Variants in ACVR1C observed in about 807,000 individuals in gnomAD.
ACVR1C encodes activin A receptor type 1C, also known as activin receptor type-1C.
In ACVR1C, 23 loss-of-function variants were observed where a neutral mutation model predicts 57.9. The observed-to-expected ratio is 0.40, with a 90% confidence interval of 0.29 to 0.56. The LOEUF (loss-of-function observed/expected upper bound fraction) is 0.56. Among genes scored for constraint, ACVR1C ranks in the 20% least tolerant of loss-of-function variants. ACVR1C has a pLI of 0.50. For synonymous variants in ACVR1C, 214 were observed against 215.3 expected (o/e 0.99, Z 0.05); for missense variants, 480 against 607.9 (o/e 0.79, Z 2.21).
chr2:157,563,042 C>A (rs942876986), intron 2 of ACVR1C, among the ~76,000 whole-genome samples: 2 of 152,128 alleles, frequency 1.3e-5, no homozygotes, highest in Non-Finnish European at 2.9e-5. Flanking sequence ...TGAAAGCATT[C>A]CCTTTGAAAA....
At chr2:157,579,173 T>C (rs910409788) in intron 2 of ACVR1C, among the ~76,000 whole-genome samples, 5 of 152,160 alleles carry the variant, frequency 3.3e-5, no homozygotes, top group Non-Finnish European at 7.4e-5. Context: ...TTCTCAATTC[T>C]GGAAATTTTT....
At chr2:157,554,362 A>G (rs987911708) in intron 3 of ACVR1C, among the ~76,000 whole-genome samples, 1 of 138,586 alleles carries the variant, frequency 7.2e-6, no homozygotes, top group African/African-American at 2.8e-5. Flanking sequence ...AGAGAAAGAA[A>G]GAAAGAAGGG....
At chr2:157,608,000 G>A (rs1188672760) in intron 1 of ACVR1C, among the ~76,000 whole-genome samples, 1 of 151,758 alleles carries the variant, frequency 6.6e-6, no homozygotes, top group Non-Finnish European at 1.5e-5. Context: ...GACTTCTGTG[G>A]CTGGGGCTTC....
intron 4 of ACVR1C, among the ~76,000 whole-genome samples, chr2:157,546,576 T>C (rs148673212): frequency 6.6e-6 from 1 of 152,188 alleles, no homozygotes; most frequent in Non-Finnish European, 1.5e-5. Flanking sequence ...GGGGTTACAA[T>C]CTTGACTCTA....
At position 157,593,100 on chromosome 2, in the gene ACVR1C, A is replaced by G. The variant is rs554261794; in HGVS notation, c.74-5683T>C. ...CTAAAAGGCAAGACATCTGTTACCC[A>G]CAAGACATCTGTTACCCACATCAAC... On this transcript the variant is annotated intron_variant, in intron 1 of 8. Coordinates refer to ENST00000243349, the MANE Select transcript of ACVR1C (RefSeq NM_145259.3). 4.0e-4 allele frequency among the ~76,000 whole-genome samples: 61 copies of G among 152,132 alleles called. No individual in the cohort carries two copies. In the South Asian group the frequency reaches 0.012, roughly 30 times the overall value.
At chr2:157,620,532 T>C (rs1035336730) in intron 1 of ACVR1C, among the ~76,000 whole-genome samples, 2 of 152,156 alleles carry the variant, frequency 1.3e-5, no homozygotes, top group African/African-American at 2.4e-5. Flanking sequence ...TAAGCTGTAG[T>C]AATCCGGATT....
intron 4 of ACVR1C, among the ~76,000 whole-genome samples, chr2:157,548,620 C>T (rs562754877): frequency 0.032 from 4,844 of 150,928 alleles, 279 homozygotes; most frequent in African/African-American, 0.11. Flanking sequence ...TCAGAAATAA[C>T]GCCACATATC....
chr2:157,602,709 A>G (rs1462630055), intron 1 of ACVR1C, among the ~76,000 whole-genome samples: 1 of 152,178 alleles, frequency 6.6e-6, no homozygotes, highest in Non-Finnish European at 1.5e-5. Flanking sequence ...CACTATAAAT[A>G]TGAAAAGTAA....
chr2:157,574,083 G>C (rs1688588688), intron 2 of ACVR1C, among the ~76,000 whole-genome samples: 1 of 152,134 alleles, frequency 6.6e-6, no homozygotes, highest in African/African-American at 2.4e-5. Context: ...GAGACTTCAA[G>C]GATGTCATAT....
In ACVR1C at chr2:157,628,670, T is replaced by A; in HGVS notation, c.-26A>T. On this transcript the variant is annotated 5_prime_UTR_variant, in exon 1 of 9. Transcript: ENST00000243349. ...CGCCACCAGGCGGCCGCGCCGGGGCTGCGAGGCCCCAGAGCAGAGCGAGGC... is the reference window on the plus strand; with the variant it reads ...CGCCACCAGGCGGCCGCGCCGGGGCAGCGAGGCCCCAGAGCAGAGCGAGGC... 1 of 1,543,222 alleles carries A rather than the reference T, an allele frequency of 6.5e-7. No homozygotes were observed. The highest frequency in any genetic ancestry group is 8.7e-7 in the Non-Finnish European group (1 of 1,146,412).
intron 6 of ACVR1C, among the ~76,000 whole-genome samples, chr2:157,541,725 G>A (rs1046695215): frequency 1.1e-4 from 17 of 152,128 alleles, no homozygotes; most frequent in Non-Finnish European, 1.6e-4. Flanking sequence ...TAAACTGCCC[G>A]GAAGTGTTCC....
intron 1 of ACVR1C, among the ~76,000 whole-genome samples, chr2:157,591,613 C>T (rs1689055936): frequency 6.6e-6 from 1 of 152,030 alleles, no homozygotes; most frequent in South Asian, 2.1e-4. Context: ...ACTCTTCTGA[C>T]ACACAATCTC....
intron 1 of ACVR1C, among the ~76,000 whole-genome samples, chr2:157,612,113 G>C (rs922387302): frequency 2.0e-5 from 3 of 152,196 alleles, no homozygotes; most frequent in Non-Finnish European, 2.9e-5. Flanking sequence ...CCAGAGTACA[G>C]AGGCTGTGCT....
At chr2:157,536,679 T>A (rs553263581) in intron 8 of ACVR1C, among the ~76,000 whole-genome samples, 4 of 152,166 alleles carry the variant, frequency 2.6e-5, no homozygotes, top group East Asian at 3.9e-4. Context: ...AGGATTCACA[T>A]CAGGAAGTCA....
chr2:157,626,024 G>A (rs985834920), intron 1 of ACVR1C, among the ~76,000 whole-genome samples: 1 of 152,170 alleles, frequency 6.6e-6, no homozygotes, highest in East Asian at 1.9e-4. Flanking sequence ...CTGGAGTGCA[G>A]TGGTGTGATC....
At chr2:157,583,328 A>T (rs1183934922) in intron 2 of ACVR1C, among the ~76,000 whole-genome samples, 1 of 152,250 alleles carries the variant, frequency 6.6e-6, no homozygotes, top group East Asian at 1.9e-4. Context: ...AATATTTATA[A>T]GACCTGTTCT....
chr2:157,588,958 C>T (rs1021843374), intron 1 of ACVR1C, among the ~76,000 whole-genome samples: 2 of 148,258 alleles, frequency 1.3e-5, no homozygotes, highest in East Asian at 2.0e-4. Context: ...ATTCATTTAT[C>T]GGTTGATGGG....
chr2:157,537,431 T>C (rs1017432170), intron 8 of ACVR1C, among the ~76,000 whole-genome samples: 2 of 151,846 alleles, frequency 1.3e-5, no homozygotes, highest in African/African-American at 4.8e-5. Context: ...AATTAAATTA[T>C]AAATGCTTCA....
chr2:157,551,121 G>C (rs542211311), intron 3 of ACVR1C, among the ~76,000 whole-genome samples: 49 of 152,284 alleles, frequency 3.2e-4, no homozygotes, highest in African/African-American at 1.2e-3. Context: ...ATAAGTAAAA[G>C]TGTCAGGTAA....
Sources: allele counts gnomAD v4.1 joint callset (sites outside exome capture counted in the v4.1 genomes callset), GRCh38; gene constraint gnomAD v4.1.1; transcripts MANE v1.5; gene names NCBI Gene and HGNC (gene_info 2026-07-23, HGNC 2026-07-21).